SAMD9L: variants seen among roughly 807,000 people sequenced by gnomAD.
The protein encoded by SAMD9L is sterile alpha motif domain-containing protein 9-like.
In SAMD9L, 68 loss-of-function variants were observed where a neutral mutation model predicts 90.7. The observed-to-expected ratio is 0.75, with a 90% CI of 0.62 to 0.92. The LOEUF is 0.92. Ranked by LOEUF, SAMD9L falls within the 40% of genes least tolerant of loss-of-function variation. The probability of loss-of-function intolerance (pLI) is 0.00; values close to 1 mark genes in which losing one functional copy is unlikely to be tolerated. For missense variants in SAMD9L, 1,604 were observed against 1,824.3 expected (o/e 0.88, Z 2.20); for synonymous variants, 640 against 630.1 (o/e 1.02, Z -0.23).
At position 93,135,171 on chromosome 7, in the gene SAMD9L, C is replaced by T. The variant is rs768219045; in HGVS notation, c.801G>A (p.Met267Ile). Residue 267 changes from methionine (M) to isoleucine (I), a missense_variant, in exon 5 of 5, where the codon ATG becomes ATA. By Grantham distance (10) the Met-to-Ile change is conservative. Around this residue, in one of 7 missense-constraint regions of SAMD9L, gnomAD observed 374 missense variants for 363.6 expected, o/e 1.03. Coordinates refer to ENST00000318238, the MANE Select transcript of SAMD9L (RefSeq NM_152703.5). ...CACTTTCTTCAAAATACTTTTTGATCATTACATTGAAGTGGTCAATGAAGG... is the reference window on the plus strand; with the variant it reads ...CACTTTCTTCAAAATACTTTTTGATTATTACATTGAAGTGGTCAATGAAGG... ...KAAFIDHFNV[M>I]IKKYFEESEI... 2.5e-6 allele frequency: 4 copies of T among 1,613,466 alleles called. No individual in the cohort carries two copies. Among genetic ancestry groups the T allele is most frequent in the Non-Finnish European group, 2.5e-6 (3 of 1,179,946 alleles).
intron 4 of SAMD9L, among the ~76,000 whole-genome samples, chr7:93,142,479 T>C (rs1221211929): frequency 1.3e-5 from 2 of 152,242 alleles, no homozygotes; most frequent in African/African-American, 4.8e-5. Context: ...TAGCCAGTCA[T>C]AATTAGTAAG....
chr7:93,140,906 T>C (rs920468716), intron 4 of SAMD9L, among the ~76,000 whole-genome samples: 2 of 152,212 alleles, frequency 1.3e-5, no homozygotes, highest in African/African-American at 2.4e-5. Flanking sequence ...ATTTTTTTCA[T>C]GTTAAGCAAG....
In SAMD9L at chr7:93,133,790, A is replaced by G. The variant is rs143935431; in HGVS notation, c.2182T>C (p.Ser728Pro). The G allele has an allele frequency of 5.6e-6, 9 of 1,613,760 alleles. No homozygotes were observed. The East Asian group carries it at 2.0e-4, about 36-fold the overall frequency. Residue 728 changes from serine (S) to proline (P), a missense_variant, in exon 5 of 5, where the codon TCT (serine) becomes CCT (proline). Around this residue, in one of 7 missense-constraint regions of SAMD9L, gnomAD observed 606 missense variants for 717.6 expected, o/e 0.84. Transcript: ENST00000318238. ...LKDLIHCWAE[S>P]PKPIFAKIIN... is the part of the protein sequence containing the mutation. ...ATTTTTGCAAATATTGGTTTAGGAG[A>G]CTCTGCCCAGCAGTGTATTAAATCT...
chr7:93,131,188 C>A lies in SAMD9L; in HGVS notation c.*29G>T, dbSNP rs201546778. ...ATAAAATCATAAAGATATAAATAAA[C>A]GTATTTGAACTACAGGTGATGTATT... On this transcript the variant is annotated 3_prime_UTR_variant, in exon 5 of 5. Transcript: ENST00000318238. 1 of 1,208,670 alleles carries A rather than the reference C, an allele frequency of 8.3e-7. No individual in the cohort carries two copies. The highest frequency in any genetic ancestry group is 1.2e-6 in the Non-Finnish European group (1 of 868,232). The allele number at this position is 1,208,670 out of a possible 1,614,324, so 74.9% of individuals were successfully genotyped here. A position where few individuals can be genotyped will look rare whatever the true frequency, so the allele number is the denominator to read the frequency against.
At position 93,133,122 on chromosome 7, in the gene SAMD9L, G is replaced by A. The variant is rs374124481; in HGVS notation, c.2850C>T (p.Tyr950=). Residue 950 remains tyrosine (Y), a synonymous_variant, in exon 5 of 5, where the codon TAC becomes TAT. Coordinates refer to ENST00000318238, the MANE Select transcript of SAMD9L (RefSeq NM_152703.5). ...SQCEIFLGII[Y]TSTPWEPESL... ...TTTCAGGTTCCCAGGGTGTACTAGT[G>A]TATATGATTCCCAAAAATATTTCAC... is the stretch of plus-strand genomic sequence containing the variant. 37 of 1,612,932 alleles carry A rather than the reference G, an allele frequency of 2.3e-5. No homozygotes were observed. Among genetic ancestry groups the A allele is most frequent in the Middle Eastern group, 3.3e-4 (2 of 6,080 alleles).
In SAMD9L at chr7:93,134,959, T is replaced by C. The variant is rs753650625; in HGVS notation, c.1013A>G (p.Asn338Ser). ...CCCTTCTCTTACAAACAGTGAAAGA[T>C]TTTGGTTTTGTTTCCATATTTTATC... ...CKDKIWKQNQ[N>S]LSLFVREGAS... The change falls in exon 5 of 5, where the codon AAT (asparagine) becomes AGT (serine). Residue 338 changes from asparagine to serine, a missense_variant. Physicochemically the swap from Asn to Ser is conservative, Grantham distance 46. Transcript: ENST00000318238. The C allele has an allele frequency of 5.6e-6, 9 of 1,613,606 alleles. No homozygotes were observed. The highest frequency in any genetic ancestry group is 7.6e-6 in the Non-Finnish European group (9 of 1,179,544).
At position 93,135,095 on chromosome 7, in the gene SAMD9L, G is replaced by A. The variant is rs1176223035; in HGVS notation, c.877C>T (p.Leu293Phe). ...CIREPRFVEVLLQNNTPSDRF... is the reference protein window; with the variant it reads ...CIREPRFVEVFLQNNTPSDRF... ...TCAGATGGTGTATTGTTCTGCAGAA[G>A]GACTTCCACAAACCTTGGCTCCCGA... Residue 293 changes from leucine (L) to phenylalanine (F), a missense_variant, in exon 5 of 5, where the codon CTT becomes TTT. Transcript: ENST00000318238. 1.2e-6 allele frequency: 2 copies of A among 1,612,706 alleles called. No individual in the cohort carries two copies. The highest frequency in any genetic ancestry group is 2.2e-5 in the South Asian group (2 of 91,072).
rs570503415 is a variant in SAMD9L at position 93,145,435 on chromosome 7, C to G, written c.-173G>C. 1 of 152,262 alleles carries G rather than the reference C, an allele frequency of 6.6e-6. No homozygotes were observed. The highest frequency in any genetic ancestry group is 1.9e-4 in the East Asian group (1 of 5,186). The allele number at this position is 152,262 out of a possible 1,614,324, so 9.4% of individuals were successfully genotyped here. A position where few individuals can be genotyped will look rare whatever the true frequency, so the allele number is the denominator to read the frequency against. On this transcript the variant is annotated 5_prime_UTR_variant, in exon 3 of 5. Coordinates refer to ENST00000318238, the MANE Select transcript of SAMD9L (RefSeq NM_152703.5). ...TTTATATTAGAAACATAAAATAAGT[C>G]TTCATGAGGCTGTTTGATCTGGATC... is the stretch of plus-strand genomic sequence containing the variant.
At position 93,147,122 on chromosome 7, in the gene SAMD9L, ACCAG is replaced by A. The variant is rs1213321389; in HGVS notation, c.-1022_-1019del. 1 of 152,144 alleles carries A rather than the reference ACCAG, an allele frequency of 6.6e-6. No individual in the cohort carries two copies. Among genetic ancestry groups the A allele is most frequent in the Non-Finnish European group, 1.5e-5 (1 of 68,002 alleles). 9.4% of individuals were successfully genotyped at this position (152,144 alleles called of 1,614,324 possible). On this transcript the variant is annotated 5_prime_UTR_variant, in exon 2 of 5. It removes the in-frame stop codon of an upstream open reading frame in the 5' UTR. Transcript: ENST00000318238. ...GCTGGTGTCCTCTTTCAGAAATTTA[ACCAG>A]CCAGTCTCTCTCTGGAAATGCTAAA...
chr7:93,132,670 GT>G lies in SAMD9L; in HGVS notation c.3301del (p.Thr1101GlnfsTer11), dbSNP rs756580126. ...GGCCTGACGTGCCCAGTCCAGAGCTGTGTTAAAGTCCTTCTCTTTAATGTAG... is the reference window on the plus strand; with the variant it reads ...GGCCTGACGTGCCCAGTCCAGAGCTGGTTAAAGTCCTTCTCTTTAATGTAG... Reference protein sequence around the residue: ...HFYIKEKDFNTALDWARQAKM... With the variant: ...HFYIKEKDFNXALDWARQAKM... On this transcript the variant is annotated frameshift_variant, in exon 5 of 5. Transcript: ENST00000318238. LOFTEE classifies it high-confidence loss of function. 1 of 1,613,876 alleles carries G rather than the reference GT, an allele frequency of 6.2e-7. No individual in the cohort carries two copies. The highest frequency in any genetic ancestry group is 1.1e-5 in the South Asian group (1 of 91,076).
chr7:93,147,714 C>T lies in SAMD9L; in HGVS notation c.-1043+480G>A, dbSNP rs188565063. 9.2e-5 allele frequency among the ~76,000 whole-genome samples: 14 copies of T among 152,256 alleles called. No individual in the cohort carries two copies. In the East Asian group the frequency reaches 2.7e-3, roughly 29 times the overall value. On this transcript the variant is annotated intron_variant, in intron 1 of 4. Transcript: ENST00000318238. ...TTTTTCTTAGTTTTCAACCAGATTG[C>T]TGGATAAGATGTATGTGAATGAAAT...
In SAMD9L at chr7:93,131,893, A is replaced by C; in HGVS notation, c.4079T>G (p.Ile1360Arg). The change falls in exon 5 of 5, where the codon ATA becomes AGA. Residue 1360 changes from isoleucine (I) to arginine (R), a missense_variant. Transcript: ENST00000318238. ...CAGTAGGAAGGCATATTCATTCACTATACTTTCCATGGTGGTAGCATCTTT... is the reference window on the plus strand; with the variant it reads ...CAGTAGGAAGGCATATTCATTCACTCTACTTTCCATGGTGGTAGCATCTTT... ...NYKDATTMES[I>R]VNEYAFLLQQ... 2 of 1,612,512 alleles carry C rather than the reference A, an allele frequency of 1.2e-6. No individual in the cohort carries two copies. The highest frequency in any genetic ancestry group is 1.7e-6 in the Non-Finnish European group (2 of 1,179,860).
rs770017076 is a variant in SAMD9L at position 93,133,463 on chromosome 7, A to G, written c.2509T>C (p.Leu837=). Residue 837 remains leucine, a synonymous_variant, in exon 5 of 5, where the codon TTA becomes CTA. Coordinates refer to ENST00000318238, the MANE Select transcript of SAMD9L (RefSeq NM_152703.5). ...GGATTCCGGGATCTCATGCAGTTTA[A>G]GATAATTACCAATGTTTTTTCATAT... ...LRYEKTLVII[L]NCMRSRNPDE... The G allele has an allele frequency of 1.2e-6, 2 of 1,612,930 alleles. No homozygotes were observed. Among genetic ancestry groups the G allele is most frequent in the African/African-American group, 2.7e-5 (2 of 74,872 alleles).
chr7:93,145,025 C>T lies in SAMD9L; in HGVS notation c.-122-192G>A, dbSNP rs564590989. ...CAGAGTATGGCATAGCTGCACATGGCTACAATTTTCTACATGGTTTTGTAT... is the reference window on the plus strand; with the variant it reads ...CAGAGTATGGCATAGCTGCACATGGTTACAATTTTCTACATGGTTTTGTAT... On this transcript the variant is annotated intron_variant, in intron 3 of 4. Transcript: ENST00000318238. Among the ~76,000 whole-genome samples the T allele has an allele frequency of 2.0e-5, 3 of 152,280 alleles. No homozygotes were observed. In the East Asian group the frequency reaches 5.8e-4, roughly 29 times the overall value.
Position 93,135,877 on chromosome 7 carries a change from T to G in SAMD9L, c.95A>C (p.Gln32Pro). The G allele has an allele frequency of 2.5e-6, 4 of 1,614,058 alleles. No homozygotes were observed. The African/African-American group carries it at 4.0e-5, about 16-fold the overall frequency. The change falls in exon 5 of 5, where the codon CAA (glutamine) becomes CCA (proline). Residue 32 changes from glutamine (Q) to proline (P), a missense_variant. This residue lies in a region of SAMD9L where 24 missense variants were observed against 41.8 expected (regional missense o/e 0.57). Coordinates refer to ENST00000318238, the MANE Select transcript of SAMD9L (RefSeq NM_152703.5). ...TTCACTGAGCAGAATTTGCCCGTAT[T>G]GCTCATTAATCTTAAGGTCTTCATT... is the stretch of plus-strand genomic sequence containing the variant. ...WVNEDLKINEQYGQILLSEEV... is the reference protein window; with the variant it reads ...WVNEDLKINEPYGQILLSEEV...
chr7:93,132,820 G>A lies in SAMD9L; in HGVS notation c.3152C>T (p.Thr1051Ile), dbSNP rs1283200742. ...TRQRKVYGDE[T>I]DTLFSPLMEA... is the part of the protein sequence containing the mutation. ...CATTAATGGGGAAAACAGAGTGTCT[G>A]TTTCATCTCCATACACCTTGCGCTG... The change falls in exon 5 of 5, where the codon ACA (threonine) becomes ATA (isoleucine). Residue 1051 changes from threonine to isoleucine, a missense_variant. By Grantham distance (89) the Thr-to-Ile change is moderately conservative. Transcript: ENST00000318238. 1 of 1,613,736 alleles carries A rather than the reference G, an allele frequency of 6.2e-7. No individual in the cohort carries two copies. The highest frequency in any genetic ancestry group is 2.2e-5 in the East Asian group (1 of 44,872).
In SAMD9L at chr7:93,132,961, T is replaced by A. The variant is rs1297286379; in HGVS notation, c.3011A>T (p.Tyr1004Phe). 1 of 1,613,530 alleles carries A rather than the reference T, an allele frequency of 6.2e-7. No individual in the cohort carries two copies. Among genetic ancestry groups the A allele is most frequent in the South Asian group, 1.1e-5 (1 of 91,062 alleles). Residue 1004 changes from tyrosine (Y) to phenylalanine (F), a missense_variant, in exon 5 of 5, where the codon TAT (tyrosine) becomes TTT (phenylalanine). By Grantham distance (22) the Tyr-to-Phe change is conservative (BLOSUM62 3). Coordinates refer to ENST00000318238, the MANE Select transcript of SAMD9L (RefSeq NM_152703.5). ...TGCAATTTGACATTTATCCAAGTGA[T>A]AGCTTCTTTCCAGTTCTTTTAGACA... ...LYCLKELERS[Y>F]HLDKCQIALN...
At position 93,133,232 on chromosome 7, in the gene SAMD9L, C is replaced by T; in HGVS notation, c.2740G>A (p.Val914Ile). The T allele has an allele frequency of 6.2e-7, 1 of 1,613,264 alleles. No individual in the cohort carries two copies. The highest frequency in any genetic ancestry group is 8.5e-7 in the Non-Finnish European group (1 of 1,179,636). Residue 914 changes from valine to isoleucine, a missense_variant, in exon 5 of 5, where the codon GTT becomes ATT. Around this residue, in one of 7 missense-constraint regions of SAMD9L, gnomAD observed 606 missense variants for 717.6 expected, o/e 0.84. Transcript: ENST00000318238. ...VVRNILKGQD[V>I]DSKEAQLISF... Reference sequence around the variant, plus strand: ...ATGAGTTGTGCTTCCTTGCTGTCAACATCCTGTCCTTTTAGGATATTCCTG... The same window carrying T: ...ATGAGTTGTGCTTCCTTGCTGTCAATATCCTGTCCTTTTAGGATATTCCTG...
In SAMD9L at chr7:93,131,397, T is replaced by G; in HGVS notation, c.4575A>C (p.Leu1525=). 6.2e-7 allele frequency: 1 copy of G among 1,613,738 alleles called. No individual in the cohort carries two copies. Residue 1525 remains leucine, a synonymous_variant, in exon 5 of 5, where the codon CTA becomes CTC. Coordinates refer to ENST00000318238, the MANE Select transcript of SAMD9L (RefSeq NM_152703.5). Reference sequence around the variant, plus strand: ...TTAGCTTGCCTTCAGCCTGACCAGTTAGACGACGCAGGAGGTCTTTGACTT... The same window carrying G: ...TTAGCTTGCCTTCAGCCTGACCAGTGAGACGACGCAGGAGGTCTTTGACTT... ...KNEVKDLLRR[L]TGQAEGKLIS...
Sources: allele counts gnomAD v4.1 joint callset (sites outside exome capture counted in the v4.1 genomes callset), GRCh38; gene constraint gnomAD v4.1.1; regional missense constraint gnomAD v4.1.1; transcripts MANE v1.5; gene names NCBI Gene and HGNC (gene_info 2026-07-23, HGNC 2026-07-21).